Variants in PDLIM3 observed in about 807,000 individuals in gnomAD.
PDLIM3 encodes the protein PDZ and LIM domain protein 3.
Under a neutral mutation model 37.3 loss-of-function variants are expected in PDLIM3, and 36 were observed. The observed-to-expected ratio is 0.97, with a 90% CI of 0.74 to 1.28. The LOEUF is 1.28. Ranked by LOEUF, PDLIM3 falls within the 50% of genes most tolerant of loss-of-function variation. The pLI, the probability that PDLIM3 is intolerant of heterozygous loss-of-function variation, is 0.00. For synonymous variants in PDLIM3, 174 were observed against 182.4 expected (o/e 0.95, Z 0.37); for missense variants, 454 against 485.0 (o/e 0.94, Z 0.60).
chr4:185,528,663 G>A (rs995678927), intron 1 of PDLIM3, among the ~76,000 whole-genome samples: 1 of 152,234 alleles, frequency 6.6e-6, no homozygotes, highest in African/African-American at 2.4e-5. Flanking sequence ...GCTAGGACAG[G>A]TGGTTGATAG....
rs1334366454 is a variant in PDLIM3, at chr4:185,521,404, T to C, written c.330+1958A>G. Among the ~76,000 whole-genome samples the C allele has an allele frequency of 3.9e-4, 23 of 59,682 alleles. 4 individuals are homozygous for C. The highest frequency in any genetic ancestry group is 5.6e-4 in the African/African-American group (19 of 34,182). 39.2% of individuals were successfully genotyped at this position (59,682 alleles called of 152,430 possible). A position where few individuals can be genotyped will look rare whatever the true frequency, so the allele number is the denominator to read the frequency against. ...ACTCAACTTTCTTTTCTTTTCTTTT[T>C]TTTTTTTTTTGAGACAGGGTCTTGC... On this transcript the variant is annotated intron_variant, in intron 3 of 7. Coordinates refer to ENST00000284767, the MANE Select transcript of PDLIM3 (RefSeq NM_014476.6).
chr4:185,525,740 A>AT (rs914423743), intron 1 of PDLIM3, among the ~76,000 whole-genome samples: 1 of 152,112 alleles, frequency 6.6e-6, no homozygotes, highest in African/African-American at 2.4e-5. Context: ...CATGAATGGG[A>AT]TTAGTGCCCT....
chr4:185,515,124 T>C, intron 3 of PDLIM3: 1 of 328,030 alleles, frequency 3.0e-6, no homozygotes, highest in East Asian at 5.0e-5. Context: ...ATTTAACATA[T>C]TATAAAATAA....
intron 5 of PDLIM3, among the ~76,000 whole-genome samples, chr4:185,507,376 C>T (rs1315714048): frequency 6.6e-6 from 1 of 152,108 alleles, no homozygotes; most frequent in Non-Finnish European, 1.5e-5. Flanking sequence ...TAAAGAATTT[C>T]ATAATACTAT....
intron 4 of PDLIM3, among the ~76,000 whole-genome samples, chr4:185,510,952 A>G (rs138849217): frequency 5.4e-4 from 83 of 152,360 alleles, no homozygotes; most frequent in Non-Finnish European, 1.1e-3. Flanking sequence ...GTGGGTCACC[A>G]CGACCTGTTC....
intron 1 of PDLIM3, among the ~76,000 whole-genome samples, chr4:185,527,515 A>T (rs2095736331): frequency 6.6e-6 from 1 of 152,224 alleles, no homozygotes. Flanking sequence ...CAGTAGGAAC[A>T]GTTAATAGAA....
At position 185,501,980 on chromosome 4, in the gene PDLIM3, G is replaced by A; in HGVS notation, c.*314C>T. On this transcript the variant is annotated 3_prime_UTR_variant, in exon 8 of 8. Transcript: ENST00000284767. ...ACAATTAGAGTCCTTCAAATATCTT[G>A]ATGTTTATGTGTTTGATGGCTGTAA... 1 of 399,122 alleles carries A rather than the reference G, an allele frequency of 2.5e-6. No homozygotes were observed. Among genetic ancestry groups the A allele is most frequent in the East Asian group, 5.7e-5 (1 of 17,656 alleles). 24.7% of individuals were successfully genotyped at this position (399,122 alleles called of 1,614,324 possible). A position where few individuals can be genotyped will look rare whatever the true frequency, so the allele number is the denominator to read the frequency against.
At chr4:185,523,897 C>T (rs2095727873) in intron 2 of PDLIM3, among the ~76,000 whole-genome samples, 1 of 151,636 alleles carries the variant, frequency 6.6e-6, no homozygotes, top group South Asian at 2.1e-4. Context: ...GGATTACAGG[C>T]GGGAGCCACC....
rs11419562 is a variant in PDLIM3, at chr4:185,517,347, CTTTTTTTTTTT to C, written c.331-3021_331-3011del. The C allele has an allele frequency of 1.6e-3, 76 of 48,810 alleles. 1 individual carries two copies. In the South Asian group the frequency reaches 0.051, roughly 33 times the overall value. 3.0% of individuals were successfully genotyped at this position (48,810 alleles called of 1,614,324 possible). A position where few individuals can be genotyped will look rare whatever the true frequency, so the allele number is the denominator to read the frequency against. ...ATCACTTAAGTTTTGTGGAGCTTAG[CTTTTTTTTTTT>C]TTTTTTTTTTTTTTTTTTAAAGAAA... On this transcript the variant is annotated intron_variant, in intron 3 of 7. Transcript: ENST00000284767.
intron 7 of PDLIM3, among the ~76,000 whole-genome samples, chr4:185,503,173 G>A (rs1041466619): frequency 1.3e-4 from 20 of 152,094 alleles, no homozygotes; most frequent in African/African-American, 4.1e-4. Context: ...GCAGTGAGCC[G>A]AGATCGCGCC....
rs75482959 is a variant in PDLIM3, at chr4:185,534,145, G to C, written c.93+1197C>G. ...ATGTTTTTGAAAAATGTAAAACAAG[G>C]CTTGAAACGTTCCATTGTATGCGTC... On this transcript the variant is annotated intron_variant, in intron 1 of 7. Transcript: ENST00000284767. Among the ~76,000 whole-genome samples the C allele has an allele frequency of 8.3e-3, 1,257 of 152,236 alleles. 33 individuals are homozygous for C. Among genetic ancestry groups the C allele is most frequent in the African/African-American group, 0.029 (1,216 of 41,542 alleles).
intron 1 of PDLIM3, among the ~76,000 whole-genome samples, chr4:185,534,635 G>C (rs1426238505): frequency 6.6e-6 from 1 of 152,168 alleles, no homozygotes; most frequent in Non-Finnish European, 1.5e-5. Flanking sequence ...TCCGTTTTAG[G>C]CTGAGTGGTT....
At chr4:185,529,026 T>A (rs1359338560) in intron 1 of PDLIM3, among the ~76,000 whole-genome samples, 2 of 152,238 alleles carry the variant, frequency 1.3e-5, no homozygotes, top group African/African-American at 4.8e-5. Context: ...TGAGGCATAG[T>A]GTTTGTCAGC....
chr4:185,505,430 T>C (rs2095695042), intron 6 of PDLIM3, among the ~76,000 whole-genome samples: 2 of 152,168 alleles, frequency 1.3e-5, no homozygotes, highest in South Asian at 2.1e-4. Context: ...GAGACCAGCC[T>C]GGCCAAGAGG....
At position 185,508,302 on chromosome 4, in the gene PDLIM3, A is replaced by C. The variant is rs375743721; in HGVS notation, c.659T>G (p.Met220Arg). 1.9e-6 allele frequency: 3 copies of C among 1,613,890 alleles called. No individual in the cohort carries two copies. The African/African-American group carries it at 4.0e-5, about 22-fold the overall frequency. ...GGTTCAAAGAGACTCATATTACCTC[A>C]TCAAAGGTGTTTCCCCTAGGGCTGT... The part of the protein sequence containing the change: ...VSTALGETPL[M>R]SEPTASVPPE... Residue 220 changes from methionine (M) to arginine (R), a missense_variant, in exon 5 of 8, where the codon ATG becomes AGG. Met to Arg is a moderately conservative substitution (Grantham distance 91). Transcript: ENST00000284767.
chr4:185,514,208 G>A lies in PDLIM3; in HGVS notation c.398+62C>T, dbSNP rs2095711049. ...ACATCTACCAGTTACTTTTCTTGAT[G>A]ATTAGTAAGAACTGATTTAAGAAGC... is the stretch of plus-strand genomic sequence containing the variant. On this transcript the variant is annotated intron_variant, in intron 4 of 7. Transcript: ENST00000284767. This position sits in a 1 kb window ranked among gnomAD's most constrained non-coding sequence, Gnocchi z 4.0. The A allele has an allele frequency of 6.2e-7, 1 of 1,613,856 alleles. No homozygotes were observed. The highest frequency in any genetic ancestry group is 2.2e-5 in the East Asian group (1 of 44,896).
At chr4:185,519,106 TTG>T (rs1384662605) in intron 3 of PDLIM3, among the ~76,000 whole-genome samples, 1 of 152,150 alleles carries the variant, frequency 6.6e-6, no homozygotes, top group Non-Finnish European at 1.5e-5. Flanking sequence ...ATGGACCATT[TTG>T]TCTATTTTTG....
intron 4 of PDLIM3, chr4:185,513,675 G>A (rs2095710252): frequency 1.0e-6 from 1 of 994,344 alleles, no homozygotes; most frequent in African/African-American, 1.7e-5. Flanking sequence ...GGGCTGACTG[G>A]CTTAGCTGAG....
intron 7 of PDLIM3, 136 bp from the exon 8 acceptor site, chr4:185,502,619 G>GCTTT: frequency 1.3e-6 from 1 of 780,332 alleles, no homozygotes; most frequent in Non-Finnish European, 2.2e-6. Context: ...GTGAAAGCAG[G>GCTTT]CACAGCCGTG....
Sources: allele counts gnomAD v4.1 joint callset (sites outside exome capture counted in the v4.1 genomes callset), GRCh38; gene constraint gnomAD v4.1.1; non-coding constraint Gnocchi (gnomAD v3.1); transcripts MANE v1.5; gene names NCBI Gene and HGNC (gene_info 2026-07-23, HGNC 2026-07-21).